RGS12: variants seen among roughly 807,000 people sequenced by gnomAD.
RGS12 encodes regulator of G protein signaling 12.
Under a neutral mutation model 120.1 loss-of-function variants are expected in RGS12, and 66 were observed. The observed-to-expected ratio is 0.55, with a 90% CI of 0.45 to 0.67. RGS12 has a LOEUF of 0.67. Among genes scored for constraint, RGS12 ranks in the 30% least tolerant of loss-of-function variants. RGS12 has a pLI of 0.00. For synonymous variants in RGS12, 827 were observed against 804.7 expected, an observed-to-expected ratio of 1.03 and a Z score of -0.47; for missense variants, 1,859 against 1,957.7, an observed-to-expected ratio of 0.95 and a Z score of 0.95.
At chr4:3,369,187 C>A (rs1025285749) in intron 3 of RGS12, among the ~76,000 whole-genome samples, 2 of 152,194 alleles carry the variant, frequency 1.3e-5, no homozygotes, top group African/African-American at 4.8e-5. Flanking sequence ...GCCCCCCGCC[C>A]CTGCAGACTC....
chr4:3,384,652 G>A (rs1321188037), intron 3 of RGS12, among the ~76,000 whole-genome samples: 1 of 152,230 alleles, frequency 6.6e-6, no homozygotes, highest in Non-Finnish European at 1.5e-5. Context: ...CCCCTTCCTG[G>A]CCAATGAGAG....
At chr4:3,346,501 C>CT (rs906369133) in intron 3 of RGS12, among the ~76,000 whole-genome samples, 4 of 152,150 alleles carry the variant, frequency 2.6e-5, no homozygotes, top group African/African-American at 9.7e-5. Flanking sequence ...TTGGTGAACT[C>CT]TTGGTGTGGC....
At chr4:3,318,554 G>T (rs1405819965) in intron 2 of RGS12, among the ~76,000 whole-genome samples, 1 of 152,240 alleles carries the variant, frequency 6.6e-6, no homozygotes, top group African/African-American at 2.4e-5. Flanking sequence ...AACACCAGCT[G>T]GACTCCGCAG....
At chr4:3,412,169 C>G (rs1020660984) in intron 4 of RGS12, among the ~76,000 whole-genome samples, 1 of 152,224 alleles carries the variant, frequency 6.6e-6, no homozygotes, top group African/African-American at 2.4e-5. Flanking sequence ...TCTAAATGCT[C>G]TTCGCACTTT....
At position 3,318,066 on chromosome 4, in the gene RGS12, A is replaced by C; in HGVS notation, c.1881+15A>C. ...AAGATAAAAAGGTAAGCCTGCCAGG[A>C]GCCACTCAGCGCGGAGGCCCGGCCT... On this transcript the variant is annotated intron_variant, in intron 2 of 17. Transcript: ENST00000336727. 5 of 1,494,242 alleles carry C rather than the reference A, an allele frequency of 3.3e-6. No homozygotes were observed. Among genetic ancestry groups the C allele is most frequent in the Non-Finnish European group, 3.7e-6 (4 of 1,095,480 alleles). The allele number at this position is 1,494,242 out of a possible 1,614,324, so 92.6% of individuals were successfully genotyped here.
intron 16 of RGS12, among the ~76,000 whole-genome samples, chr4:3,429,524 G>C (rs112679700): frequency 6.6e-6 from 1 of 152,242 alleles, no homozygotes; most frequent in Non-Finnish European, 1.5e-5. Flanking sequence ...CTGAGAACCA[G>C]TGAAGTCAGA....
intron 4 of RGS12, among the ~76,000 whole-genome samples, chr4:3,396,742 G>GCATTT (rs1316318570): frequency 6.6e-6 from 1 of 152,076 alleles, no homozygotes; most frequent in Non-Finnish European, 1.5e-5. Flanking sequence ...CCTGGCCCTT[G>GCATTT]CATTTCCTTA....
At chr4:3,368,026 A>T (rs1716509311) in intron 3 of RGS12, among the ~76,000 whole-genome samples, 1 of 152,266 alleles carries the variant, frequency 6.6e-6, no homozygotes, top group Non-Finnish European at 1.5e-5. Flanking sequence ...AGGTGAAATC[A>T]GTTTAGCACT....
chr4:3,299,165 C>G (rs1046386750), intron 1 of RGS12, among the ~76,000 whole-genome samples: 4 of 152,002 alleles, frequency 2.6e-5, no homozygotes, highest in African/African-American at 7.3e-5. Flanking sequence ...TGCTGTTGAC[C>G]TTCCGGCTGC....
At chr4:3,343,104 C>A in intron 3 of RGS12, 51 bp downstream of exon 3, 2 of 1,365,410 alleles carry the variant, frequency 1.5e-6, no homozygotes, top group Non-Finnish European at 2.1e-6. Context: ...TTAAAAAATG[C>A]AAGTCCACCT....
Position 3,372,183 on chromosome 4 carries a change from G to A in RGS12, c.1999-14233G>A, listed in dbSNP as rs1403301516. ...CCAAAGAAATAGGAATTGCCTGGAG[G>A]AAGAGAGCCCTTGTGGTCTGTCTGC... On this transcript the variant is annotated intron_variant, in intron 3 of 17. Coordinates refer to ENST00000336727, the MANE Select transcript of RGS12 (RefSeq NM_001394154.1). This position sits in a 1 kb window ranked among gnomAD's most constrained non-coding sequence, Gnocchi z 4.3. Among the ~76,000 whole-genome samples the A allele has an allele frequency of 6.6e-6, 1 of 152,196 alleles. No homozygotes were observed. The highest frequency in any genetic ancestry group is 1.9e-4 in the East Asian group (1 of 5,196).
At chr4:3,406,135 C>T (rs1302868529) in intron 4 of RGS12, among the ~76,000 whole-genome samples, 1 of 152,158 alleles carries the variant, frequency 6.6e-6, no homozygotes, top group African/African-American at 2.4e-5. Flanking sequence ...CAGATGGACA[C>T]GGGGACTGAG....
intron 2 of RGS12, among the ~76,000 whole-genome samples, chr4:3,330,121 A>G (rs1419483384): frequency 6.6e-6 from 1 of 152,210 alleles, no homozygotes; most frequent in Non-Finnish European, 1.5e-5. Context: ...ACCTGCTTAC[A>G]TCAGTCACAT....
rs535161859 is a variant in RGS12 at position 3,353,873 on chromosome 4, T to C, written c.1998+10820T>C. ...CCACAGATAGTGTCCATTCATACCC[T>C]AAGTTCAACAAAACCAGAAAGCTCT... On this transcript the variant is annotated intron_variant, in intron 3 of 17. Coordinates refer to ENST00000336727, the MANE Select transcript of RGS12 (RefSeq NM_001394154.1). Among the ~76,000 whole-genome samples the C allele has an allele frequency of 6.8e-4, 103 of 152,222 alleles. No homozygotes were observed. In the South Asian group the frequency reaches 0.02, roughly 30 times the overall value.
rs766231875 is a variant in RGS12 at position 3,422,605 on chromosome 4, G to A, written c.3033+35G>A. On this transcript the variant is annotated intron_variant, in intron 11 of 17. Transcript: ENST00000336727. ...CCGCCTGACCCTCGTGCTGCCCTCA[G>A]GCCATGACCTCCCCGCTCCCTGGCC... is the stretch of plus-strand genomic sequence containing the variant. 3.8e-5 allele frequency: 61 copies of A among 1,589,296 alleles called. No homozygotes were observed. In the South Asian group the frequency reaches 6.4e-4, roughly 17 times the overall value.
intron 2 of RGS12, among the ~76,000 whole-genome samples, chr4:3,339,926 A>G (rs753129748): frequency 1.6e-4 from 24 of 152,176 alleles, no homozygotes; most frequent in Non-Finnish European, 2.9e-4. Flanking sequence ...ATTCATTTTG[A>G]TTCTGACAGC....
chr4:3,296,931 T>G (rs1723414057), intron 1 of RGS12, among the ~76,000 whole-genome samples: 1 of 152,192 alleles, frequency 6.6e-6, no homozygotes, highest in Non-Finnish European at 1.5e-5. Flanking sequence ...AACTGGATAC[T>G]CCACACAGTG....
intron 3 of RGS12, among the ~76,000 whole-genome samples, chr4:3,363,079 ATG>A (rs1262729399): frequency 7.7e-6 from 1 of 130,618 alleles, no homozygotes; most frequent in Non-Finnish European, 1.6e-5. Flanking sequence ...GTGTGTGCGC[ATG>A]TGTGAAGGCG....
In RGS12 at chr4:3,342,340, C is replaced by A. The variant is rs968970677; in HGVS notation, c.1882-597C>A. 10 of 1,125,210 alleles carry A rather than the reference C, an allele frequency of 8.9e-6. No individual in the cohort carries two copies. The Admixed American group carries it at 3.2e-4, about 36-fold the overall frequency. 69.7% of individuals were successfully genotyped at this position (1,125,210 alleles called of 1,614,324 possible). A position where few individuals can be genotyped will look rare whatever the true frequency, so the allele number is the denominator to read the frequency against. On this transcript the variant is annotated intron_variant, in intron 2 of 17. Coordinates refer to ENST00000336727, the MANE Select transcript of RGS12 (RefSeq NM_001394154.1). ...GAAGTGTCTAGCATAATGATGGGCA[C>A]AACATAGATGTTTGTCGAATTGAAT...
Sources: gnomAD v4.1 joint callset for allele counts (sites outside exome capture counted in the v4.1 genomes callset) on GRCh38, gnomAD v4.1.1 for gene constraint, Gnocchi (gnomAD v3.1) non-coding constraint, MANE v1.5 for transcripts, NCBI Gene and HGNC (gene_info 2026-07-23, HGNC 2026-07-21) for gene names.